TMC1: variants seen among roughly 807,000 people sequenced by gnomAD.
TMC1 encodes transmembrane channel like 1, also known as transmembrane channel-like protein 1.
TMC1 carries 84 observed loss-of-function variants against 105.8 expected under a neutral mutation model. That is an observed-to-expected ratio of 0.79 (90% CI 0.67 to 0.95). The LOEUF (loss-of-function observed/expected upper bound fraction) is 0.95, where lower values mean the gene tolerates loss of function less well. Ranked by LOEUF, TMC1 falls within the 40% of genes least tolerant of loss-of-function variation. The pLI is 0.00. For missense variants in TMC1, 817 were observed against 914.1 expected (o/e 0.89, Z 1.37); for synonymous variants, 315 against 311.5 (o/e 1.01, Z -0.12).
chr9:72,617,909 GT>G (rs1564447849), intron 3 of TMC1, among the ~76,000 whole-genome samples: 2 of 10,948 alleles, frequency 1.8e-4, no homozygotes, highest in African/African-American at 1.3e-3. Context: ...TCTATGTGTG[GT>G]GTGTGTGTGT....
chr9:72,718,073 TCTA>T (rs1826953189), intron 8 of TMC1, among the ~76,000 whole-genome samples: 1 of 91,394 alleles, frequency 1.1e-5, no homozygotes, highest in African/African-American at 4.7e-5. Flanking sequence ...ATTTATGCTA[TCTA>T]TTTCACTGAA....
intron 3 of TMC1, among the ~76,000 whole-genome samples, chr9:72,617,676 G>T (rs866272238): frequency 6.6e-6 from 1 of 152,006 alleles, no homozygotes; most frequent in Non-Finnish European, 1.5e-5. Flanking sequence ...TGTATTCAAG[G>T]TTATTTACTG....
At chr9:72,772,647 T>C in intron 13 of TMC1, 92 bp downstream of exon 13, 2 of 1,531,082 alleles carry the variant, frequency 1.3e-6, no homozygotes, top group Non-Finnish European at 1.8e-6. Context: ...TTTGTTGCTA[T>C]TTTATGTCTA....
At position 72,607,786 on chromosome 9, in the gene TMC1, G is replaced by GA. The variant is rs1028000461; in HGVS notation, c.-305-8572dup. The GA allele has an allele frequency of 1.9e-3, 278 of 146,322 alleles. 2 individuals carry two copies. The highest frequency in any genetic ancestry group is 6.2e-3 in the African/African-American group (248 of 39,938). 9.1% of individuals were successfully genotyped at this position (146,322 alleles called of 1,614,324 possible). ...AATGGTGAGACCCTGTCTCTACAAAGAAAAAAAAAAGATTATTATTCCCCA... is the reference window on the plus strand; with the variant it reads ...AATGGTGAGACCCTGTCTCTACAAAGAAAAAAAAAAAGATTATTATTCCCCA... On this transcript the variant is annotated intron_variant, in intron 2 of 23. Coordinates refer to ENST00000297784, the MANE Select transcript of TMC1 (RefSeq NM_138691.3).
chr9:72,543,952 C>CT (rs1554710174), intron 1 of TMC1, among the ~76,000 whole-genome samples: 2,205 of 134,362 alleles, frequency 0.016, 32 homozygotes, highest in Non-Finnish European at 0.025. Context: ...TTCTTTCTTT[C>CT]TTTTTTTTTT....
intron 12 of TMC1, among the ~76,000 whole-genome samples, chr9:72,758,613 G>T (rs1055315183): frequency 6.6e-6 from 1 of 152,108 alleles, no homozygotes; most frequent in Non-Finnish European, 1.5e-5. Context: ...ACAGACAGCC[G>T]TGGGCTGTCC....
chr9:72,817,807 C>T (rs774084549), intron 19 of TMC1, among the ~76,000 whole-genome samples: 3 of 152,124 alleles, frequency 2.0e-5, no homozygotes, highest in Non-Finnish European at 2.9e-5. Context: ...CCAGTTCTCT[C>T]GTGGGCAGAT....
chr9:72,555,495 C>A (rs1823915592), intron 1 of TMC1, among the ~76,000 whole-genome samples: 1 of 151,624 alleles, frequency 6.6e-6, no homozygotes, highest in Non-Finnish European at 1.5e-5. Context: ...CCCATACTCA[C>A]AGATTTCTTT....
At chr9:72,608,948 A>T (rs1200052895) in intron 2 of TMC1, among the ~76,000 whole-genome samples, 1 of 152,112 alleles carries the variant, frequency 6.6e-6, no homozygotes, top group African/African-American at 2.4e-5. Context: ...TTTCTCCAAC[A>T]GTCTTTTCTC....
chr9:72,561,091 A>T (rs2132079391), intron 1 of TMC1, among the ~76,000 whole-genome samples: 1 of 151,858 alleles, frequency 6.6e-6, no homozygotes, highest in East Asian at 2.0e-4. Context: ...AGGTGGGCAG[A>T]TCATGAGGTC....
At chr9:72,805,633 G>A in intron 18 of TMC1, 123 bp downstream of exon 18, 1 of 876,328 alleles carries the variant, frequency 1.1e-6, no homozygotes, top group South Asian at 1.7e-5. Context: ...TGGAGGGAAG[G>A]TCAGCAGATA....
At chr9:72,761,133 T>G (rs1344510765) in intron 12 of TMC1, among the ~76,000 whole-genome samples, 2 of 152,190 alleles carry the variant, frequency 1.3e-5, no homozygotes, top group Non-Finnish European at 2.9e-5. Context: ...GAGAGATTAT[T>G]ATGTATGCAA....
intron 3 of TMC1, among the ~76,000 whole-genome samples, chr9:72,622,608 G>T (rs1246519490): frequency 6.6e-6 from 1 of 152,060 alleles, no homozygotes; most frequent in African/African-American, 2.4e-5. Context: ...CATAGTTTTT[G>T]TCTTCCACTT....
intron 5 of TMC1, 126 bp from the exon 6 acceptor site, chr9:72,688,583 A>G: frequency 1.2e-6 from 1 of 856,034 alleles, no homozygotes; most frequent in Non-Finnish European, 1.9e-6. Flanking sequence ...TCATTTTGGC[A>G]AGTTTATGGA....
chr9:72,752,587 G>C (rs1827598396), intron 11 of TMC1, among the ~76,000 whole-genome samples: 1 of 152,130 alleles, frequency 6.6e-6, no homozygotes, highest in Admixed American at 6.5e-5. Context: ...TGTGGGGAAA[G>C]GGTCAGCTGA....
intron 8 of TMC1, among the ~76,000 whole-genome samples, chr9:72,717,077 C>T (rs1322996989): frequency 1.3e-5 from 2 of 152,184 alleles, no homozygotes; most frequent in Non-Finnish European, 2.9e-5. Context: ...GGCTTGCCCT[C>T]CTTGGGCTGC....
intron 18 of TMC1, among the ~76,000 whole-genome samples, chr9:72,810,072 G>A (rs185554717): frequency 2.0e-4 from 31 of 151,344 alleles, no homozygotes; most frequent in African/African-American, 4.9e-4. Flanking sequence ...AAGAATTCCC[G>A]GTGGAGGGAC....
intron 2 of TMC1, among the ~76,000 whole-genome samples, chr9:72,592,821 T>A (rs1039779356): frequency 6.6e-6 from 1 of 152,184 alleles, no homozygotes; most frequent in Non-Finnish European, 1.5e-5. Flanking sequence ...AAAACTGTGA[T>A]GAGTTCTCAG....
intron 1 of TMC1, among the ~76,000 whole-genome samples, chr9:72,532,331 A>T (rs955241461): frequency 1.3e-5 from 2 of 151,926 alleles, no homozygotes; most frequent in Non-Finnish European, 1.5e-5. Context: ...ACTTGAGGTC[A>T]GGAGTTCGAG....
Sources: gnomAD v4.1 joint callset for allele counts (sites outside exome capture counted in the v4.1 genomes callset) on GRCh38, gnomAD v4.1.1 for gene constraint, MANE v1.5 for transcripts, NCBI Gene and HGNC (gene_info 2026-07-23, HGNC 2026-07-21) for gene names.